C10orf90: variants seen among roughly 807,000 people sequenced by gnomAD.
C10orf90 encodes the protein chromosome 10 open reading frame 90, also known as (E2-independent) E3 ubiquitin-conjugating enzyme FATS.
A neutral mutation model predicts 62.5 loss-of-function variants in C10orf90; 56 were observed. The observed-to-expected ratio is 0.90, with a 90% CI of 0.72 to 1.12. The LOEUF is 1.12. Among genes scored for constraint, C10orf90 ranks in the 50% most tolerant of loss-of-function variants. C10orf90 has a pLI of 0.00. For missense variants in C10orf90, 970 were observed against 880.4 expected, an observed-to-expected ratio of 1.10 and a Z score of -1.29; for synonymous variants, 386 against 340.4, an observed-to-expected ratio of 1.13 and a Z score of -1.47.
At chr10:126,590,264 G>A (rs1844953317) in intron 2 of C10orf90, among the ~76,000 whole-genome samples, 1 of 151,964 alleles carries the variant, frequency 6.6e-6, no homozygotes, top group Admixed American at 6.6e-5. Context: ...CCCCACTGAC[G>A]ATATTAGACA....
intron 7 of C10orf90, among the ~76,000 whole-genome samples, chr10:126,445,000 CT>C (rs1564796557): frequency 6.6e-6 from 1 of 152,086 alleles, no homozygotes; most frequent in Non-Finnish European, 1.5e-5. Flanking sequence ...CATCTCTCAC[CT>C]TAGACAAAAA....
intron 7 of C10orf90, among the ~76,000 whole-genome samples, chr10:126,450,427 C>T (rs1006312939): frequency 9.9e-5 from 15 of 152,244 alleles, no homozygotes; most frequent in African/African-American, 2.2e-4. Flanking sequence ...GGAGACATCA[C>T]GGTATCTAAT....
At chr10:126,538,702 T>C (rs1864302088) in intron 2 of C10orf90, among the ~76,000 whole-genome samples, 1 of 152,148 alleles carries the variant, frequency 6.6e-6, no homozygotes, top group African/African-American at 2.4e-5. Flanking sequence ...AGTGAGTAAC[T>C]TGTTCGACAT....
intron 1 of C10orf90, among the ~76,000 whole-genome samples, chr10:126,662,070 G>A (rs1368879399): frequency 7.1e-6 from 1 of 140,828 alleles, no homozygotes; most frequent in Non-Finnish European, 1.5e-5. Flanking sequence ...ATTATTGCTT[G>A]CTGGATTTTG....
chr10:126,590,319 T>A (rs896241415), intron 2 of C10orf90, among the ~76,000 whole-genome samples: 1 of 152,118 alleles, frequency 6.6e-6, no homozygotes, highest in African/African-American at 2.4e-5. Flanking sequence ...GGACCTGAAC[T>A]CAGCTCTGGA....
chr10:126,553,609 G>C (rs534345510), intron 2 of C10orf90, among the ~76,000 whole-genome samples: 5 of 152,178 alleles, frequency 3.3e-5, no homozygotes, highest in Non-Finnish European at 5.9e-5. Context: ...ATTCTTAGCC[G>C]GGTGTTACAA....
At chr10:126,592,169 A>G (rs921423301) in intron 2 of C10orf90, among the ~76,000 whole-genome samples, 1 of 152,242 alleles carries the variant, frequency 6.6e-6, no homozygotes, top group African/African-American at 2.4e-5. Flanking sequence ...ACTACCATTG[A>G]CATTCTTCAC....
intron 3 of C10orf90, among the ~76,000 whole-genome samples, chr10:126,510,568 G>A (rs1217180716): frequency 2.0e-5 from 3 of 152,140 alleles, no homozygotes; most frequent in South Asian, 2.1e-4. Flanking sequence ...TAGAACGTTC[G>A]CATTGGAGAG....
rs1431418095 is a variant in C10orf90 at position 126,607,160 on chromosome 10, A to G, written c.313+39405T>C. The stretch of plus-strand genomic sequence containing the variant: ...GCCCAACTCTGCTATCAGTCATCAC[A>G]CTCTTTAACACAGTATTACTTATAC... On this transcript the variant is annotated intron_variant, in intron 2 of 9. Transcript: ENST00000488181. Among the ~76,000 whole-genome samples, 4 of 152,202 alleles carry G rather than the reference A, an allele frequency of 2.6e-5. No individual in the cohort carries two copies. In the East Asian group the frequency reaches 7.7e-4, roughly 29 times the overall value.
At chr10:126,449,488 A>G (rs1859024904) in intron 7 of C10orf90, among the ~76,000 whole-genome samples, 1 of 152,180 alleles carries the variant, frequency 6.6e-6, no homozygotes, top group African/African-American at 2.4e-5. Flanking sequence ...AAACAAGGAT[A>G]CCTATTATTG....
At chr10:126,567,366 C>A (rs1844415232) in intron 2 of C10orf90, among the ~76,000 whole-genome samples, 1 of 152,132 alleles carries the variant, frequency 6.6e-6, no homozygotes, top group Non-Finnish European at 1.5e-5. Context: ...CTTGTAAAAA[C>A]TCACTCAGTA....
rs150571720 is a variant in C10orf90, at chr10:126,602,462, T to C, written c.313+44103A>G. Among the ~76,000 whole-genome samples the C allele has an allele frequency of 2.6e-5, 4 of 152,296 alleles. No individual in the cohort carries two copies. In the East Asian group the frequency reaches 7.7e-4, roughly 29 times the overall value. On this transcript the variant is annotated intron_variant, in intron 2 of 9. Transcript: ENST00000488181. ...CAAGATGACCTAGGTGTGAAGGGAC[T>C]TGGTATCAATCATAACAGGGTGGTT...
At chr10:126,564,883 A>AAT (rs1427284130) in intron 2 of C10orf90, among the ~76,000 whole-genome samples, 313 of 976 alleles carry the variant, frequency 0.32, 105 homozygotes, top group East Asian at 0.5. Context: ...TAATATATAA[A>AAT]ATATATTATA....
chr10:126,619,256 A>G (rs2164583), intron 2 of C10orf90, among the ~76,000 whole-genome samples: 37,725 of 152,084 alleles, frequency 0.25, 4,788 homozygotes, highest in South Asian at 0.35. Context: ...TGTCATGGAT[A>G]GTCTTATGCA....
At chr10:126,464,662 C>T (rs754804042) in intron 5 of C10orf90, 34 bp downstream of exon 5, 8 of 1,577,352 alleles carry the variant, frequency 5.1e-6, no homozygotes, top group African/African-American at 4.1e-5. Flanking sequence ...AATGTCAAGA[C>T]CAAATGATGT....
chr10:126,547,596 C>T lies in C10orf90; in HGVS notation c.314-33657G>A, dbSNP rs531365961. 1.2e-4 allele frequency among the ~76,000 whole-genome samples: 18 copies of T among 149,470 alleles called. No homozygotes were observed. The South Asian group carries it at 1.3e-3, about 11-fold the overall frequency. The stretch of plus-strand genomic sequence containing the variant: ...TAAAGCAGCTATGATAAAAATGCTT[C>T]GACAAGCAATTATAAGCTCACTTGA... On this transcript the variant is annotated intron_variant, in intron 2 of 9. Coordinates refer to ENST00000488181, the MANE Select transcript of C10orf90 (RefSeq NM_001350921.2).
At chr10:126,620,368 C>T (rs1435618748) in intron 2 of C10orf90, among the ~76,000 whole-genome samples, 3 of 152,196 alleles carry the variant, frequency 2.0e-5, no homozygotes, top group African/African-American at 4.8e-5. Context: ...ACTACACCTG[C>T]AAGTCTGTGG....
At chr10:126,547,566 GAA>G (rs1864530692) in intron 2 of C10orf90, among the ~76,000 whole-genome samples, 1 of 144,222 alleles carries the variant, frequency 6.9e-6, no homozygotes, top group Non-Finnish European at 1.5e-5. Flanking sequence ...ATCTGAGAGA[GAA>G]ATTAAAGCAG....
intron 2 of C10orf90, among the ~76,000 whole-genome samples, chr10:126,606,992 A>G (rs968832271): frequency 1.3e-5 from 2 of 152,194 alleles, no homozygotes; most frequent in African/African-American, 4.8e-5. Flanking sequence ...AGGGATTTCC[A>G]TGATCCTTAA....
Sources: gnomAD v4.1 joint callset for allele counts (sites outside exome capture counted in the v4.1 genomes callset) on GRCh38, gnomAD v4.1.1 for gene constraint, MANE v1.5 for transcripts, NCBI Gene and HGNC (gene_info 2026-07-23, HGNC 2026-07-21) for gene names.